ZNF790: variants seen among roughly 807,000 people sequenced by gnomAD.
The protein encoded by ZNF790 is zinc finger protein 790.
ZNF790 carries 8 observed loss-of-function variants against 12.1 expected under a neutral mutation model. The observed-to-expected ratio is 0.66, with a 90% CI of 0.39 to 1.19. ZNF790 has a LOEUF of 1.19. Among genes scored for constraint, ZNF790 ranks in the 50% most tolerant of loss-of-function variants. ZNF790 has a pLI of 0.01. For synonymous variants in ZNF790, 252 were observed against 244.3 expected, an observed-to-expected ratio of 1.03 and a Z score of -0.29; for missense variants, 707 against 752.2, an observed-to-expected ratio of 0.94 and a Z score of 0.70.
chr19:36,818,365 A>G lies in ZNF790; in HGVS notation c.*68T>C. On this transcript the variant is annotated 3_prime_UTR_variant, in exon 5 of 5. Coordinates refer to ENST00000356725, the MANE Select transcript of ZNF790 (RefSeq NM_206894.4). Reference sequence around the variant, plus strand: ...ACTTACATTTGTGGTGTTCCTCAAGAGAAAAAAATAAATGACATCAATTAA... The same window carrying G: ...ACTTACATTTGTGGTGTTCCTCAAGGGAAAAAAATAAATGACATCAATTAA... The G allele has an allele frequency of 7.0e-7, 1 of 1,430,734 alleles. No individual in the cohort carries two copies. Among genetic ancestry groups the G allele is most frequent in the East Asian group, 2.3e-5 (1 of 43,340 alleles). The allele number at this position is 1,430,734 out of a possible 1,614,324, so 88.6% of individuals were successfully genotyped here. A position where few individuals can be genotyped will look rare whatever the true frequency, so the allele number is the denominator to read the frequency against.
At chr19:36,841,492 TGC>T (rs1174431847), upstream of ZNF790, among the ~76,000 whole-genome samples, 1 of 151,690 alleles carries the variant, frequency 6.6e-6, no homozygotes, top group Non-Finnish European at 1.5e-5. Flanking sequence ...TGGTGGCTCG[TGC>T]CTGTAATCCC....
chr19:36,840,646 G>C (rs1674272799), upstream of ZNF790, among the ~76,000 whole-genome samples: 2 of 152,174 alleles, frequency 1.3e-5, no homozygotes, highest in Admixed American at 6.5e-5. Context: ...CACTTATTAG[G>C]AAGGTGGGAA....
Position 36,847,727 on chromosome 19 carries a change from G to T in ZNF790, c.-74+2275C>A, listed in dbSNP as rs575243196. Among the ~76,000 whole-genome samples, 10 of 149,578 alleles carry T rather than the reference G, an allele frequency of 6.7e-5. No individual in the cohort carries two copies. The East Asian group carries it at 2.0e-3, about 29-fold the overall frequency. On this transcript the variant is annotated intron_variant, in intron 1 of 4. Coordinates refer to the ZNF790 transcript ENST00000528994. ...ATCACGTCATTACACTCCAGCCTGG[G>T]CGACAAAGAGAGACTCTGTCTCAAA...
At chr19:36,835,089 C>G (rs2072017864) in intron 1 of ZNF790, among the ~76,000 whole-genome samples, 2 of 152,172 alleles carry the variant, frequency 1.3e-5, no homozygotes, top group Admixed American at 1.3e-4. Flanking sequence ...AGTTCAAGAC[C>G]AGCCTGGCCA....
intron 1 of ZNF790, among the ~76,000 whole-genome samples, chr19:36,835,305 A>T (rs967680235): frequency 1.4e-4 from 21 of 150,292 alleles, no homozygotes; most frequent in Non-Finnish European, 2.8e-4. Context: ...AAAATAAAAT[A>T]AAATTTCATT....
Position 36,819,949 on chromosome 19 carries a change from T to G in ZNF790, c.395A>C (p.Asp132Ala). 1.9e-6 allele frequency: 3 copies of G among 1,614,184 alleles called. No homozygotes were observed. The highest frequency in any genetic ancestry group is 2.5e-6 in the Non-Finnish European group (3 of 1,180,020). The change falls in exon 5 of 5, where the codon GAT (aspartate) becomes GCT (alanine). Residue 132 changes from aspartate (D) to alanine (A), a missense_variant. By Grantham distance (126) the Asp-to-Ala change is moderately radical. Coordinates refer to ENST00000356725, the MANE Select transcript of ZNF790 (RefSeq NM_206894.4). ...CTGCTTGAAGCATTCCTCTTGATTA[T>G]CTTGAAGTGTTTGAAACTGAGTGTT... is the stretch of plus-strand genomic sequence containing the variant. Reference protein sequence around the residue: ...EGNTQFQTLQDNQEECFKQVI... With the variant: ...EGNTQFQTLQANQEECFKQVI...
chr19:36,833,246 A>T (rs1258594545), intron 1 of ZNF790, among the ~76,000 whole-genome samples: 1 of 152,078 alleles, frequency 6.6e-6, no homozygotes, highest in Non-Finnish European at 1.5e-5. Context: ...GGGTTCAAGT[A>T]ATTCTCCTGT....
rs772481884 is a variant in ZNF790, at chr19:36,834,504, CA to C, written c.-74+3832del. Among the ~76,000 whole-genome samples the C allele has an allele frequency of 8.3e-4, 126 of 152,294 alleles. 1 individual carries two copies. Among genetic ancestry groups the C allele is most frequent in the Non-Finnish European group, 1.6e-3 (109 of 68,028 alleles). On this transcript the variant is annotated intron_variant, in intron 1 of 4. Transcript: ENST00000356725. Reference sequence around the variant, plus strand: ...CCTTAGTCATCAGTTAGGAAAACCACAATGCAATACCACTACATATCCACCA... The same window carrying C: ...CCTTAGTCATCAGTTAGGAAAACCACATGCAATACCACTACATATCCACCA...
chr19:36,821,055 C>G (rs1322810383), intron 4 of ZNF790, among the ~76,000 whole-genome samples: 2 of 136,906 alleles, frequency 1.5e-5, no homozygotes, highest in East Asian at 4.6e-4. Context: ...CCCCTCCCCC[C>G]ACTGACCCTG....
intron 1 of ZNF790, among the ~76,000 whole-genome samples, chr19:36,833,432 C>T (rs1451103112): frequency 6.6e-6 from 1 of 152,140 alleles, no homozygotes; most frequent in Non-Finnish European, 1.5e-5. Context: ...CATGAGCCAC[C>T]GCACCTGGCC....
At chr19:36,848,348 T>C (rs1274117586) in intron 1 of ZNF790, among the ~76,000 whole-genome samples, 1 of 152,224 alleles carries the variant, frequency 6.6e-6, no homozygotes, top group Non-Finnish European at 1.5e-5. Flanking sequence ...TAATTAATCA[T>C]GCCTACATAA....
rs1600640758 is a variant in ZNF790, at chr19:36,818,511, G to A, written c.1833C>T (p.Tyr611=). Residue 611 remains tyrosine (Y), a synonymous_variant, in exon 5 of 5, where the codon TAC becomes TAT. Coordinates refer to ENST00000356725, the MANE Select transcript of ZNF790 (RefSeq NM_206894.4). ...ESNFAQHQNI[Y]TFEKSYEFKD... Reference sequence around the variant, plus strand: ...TAAATTCATAGGATTTCTCAAAAGTGTAAATATTCTGGTGTTGAGCAAAGT... The same window carrying A: ...TAAATTCATAGGATTTCTCAAAAGTATAAATATTCTGGTGTTGAGCAAAGT... The A allele has an allele frequency of 6.3e-7, 1 of 1,595,774 alleles. No individual in the cohort carries two copies. Among genetic ancestry groups the A allele is most frequent in the South Asian group, 1.1e-5 (1 of 89,756 alleles).
upstream of ZNF790, among the ~76,000 whole-genome samples, chr19:36,842,894 A>G (rs1000893485): frequency 6.6e-6 from 1 of 151,240 alleles, no homozygotes; most frequent in East Asian, 1.9e-4. Flanking sequence ...AATCCCAGCT[A>G]CTCAGGAGGC....
At chr19:36,831,206 C>CAA (rs2071939604) in intron 1 of ZNF790, among the ~76,000 whole-genome samples, 1 of 151,662 alleles carries the variant, frequency 6.6e-6, no homozygotes, top group Non-Finnish European at 1.5e-5. Context: ...CCCCCATGTA[C>CAA]AAAAAAACTC....
rs774801624 is a variant in ZNF790 at position 36,823,795 on chromosome 19, T to G, written c.10-5A>C. 1.3e-6 allele frequency: 2 copies of G among 1,596,984 alleles called. No homozygotes were observed. Among genetic ancestry groups the G allele is most frequent in the South Asian group, 2.3e-5 (2 of 87,688 alleles). ...CACATCCCTGAACATCATCAACTGTTGGAAAGAATAATTCCAAGTATTAAT... is the reference window on the plus strand; with the variant it reads ...CACATCCCTGAACATCATCAACTGTGGGAAAGAATAATTCCAAGTATTAAT... On this transcript the variant is annotated splice_region_variant and splice_polypyrimidine_tract_variant and intron_variant, in intron 2 of 4. Transcript: ENST00000356725.
At chr19:36,839,275 T>C (rs1488651628), upstream of ZNF790, among the ~76,000 whole-genome samples, 1 of 152,250 alleles carries the variant, frequency 6.6e-6, no homozygotes, top group African/African-American at 2.4e-5. Flanking sequence ...AGTTGTTTCT[T>C]TTTTTATTGT....
chr19:36,827,107 T>TACAC (rs1332063417), intron 1 of ZNF790, among the ~76,000 whole-genome samples: 2 of 95,728 alleles, frequency 2.1e-5, no homozygotes, highest in South Asian at 3.1e-4. Flanking sequence ...TGTGTGTATA[T>TACAC]ATATACACAT....
At chr19:36,820,253 G>T in intron 4 of ZNF790, 139 bp from the exon 5 acceptor site, 1 of 815,140 alleles carries the variant, frequency 1.2e-6, no homozygotes, top group Non-Finnish European at 1.8e-6. Flanking sequence ...TGAGCAATAT[G>T]AAAAAAAGGG....
intron 2 of ZNF790, 56 bp from the exon 3 acceptor site, chr19:36,823,846 A>C: frequency 6.6e-7 from 1 of 1,504,578 alleles, no homozygotes; most frequent in Non-Finnish European, 9.0e-7. Flanking sequence ...AATAATTATA[A>C]TCCCTATAGA....
Sources: gnomAD v4.1 joint callset for allele counts (sites outside exome capture counted in the v4.1 genomes callset) on GRCh38, gnomAD v4.1.1 for gene constraint, MANE v1.5 for transcripts, NCBI Gene and HGNC (gene_info 2026-07-23, HGNC 2026-07-21) for gene names.